Variants in OR5BS1 observed in about 807,000 individuals in gnomAD.
The protein encoded by OR5BS1 is olfactory receptor 5BS1.
chr12:48,561,221 G>A, the OR5BS1 span, among the ~76,000 whole-genome samples: 10 of 152,028 alleles, frequency 6.6e-5, no homozygotes, highest in Admixed American at 6.6e-4. Flanking sequence ...TTGGGAGTTC[G>A]CAAAAAGAAA....
the OR5BS1 span, among the ~76,000 whole-genome samples, chr12:48,562,568 C>A: frequency 6.6e-6 from 1 of 152,214 alleles, no homozygotes; most frequent in Admixed American, 6.5e-5. Flanking sequence ...TTCCTCGGGG[C>A]AGCTCCTATA....
At chr12:48,562,876 C>A in the OR5BS1 span, 1 of 402,096 alleles carries the variant, frequency 2.5e-6, no homozygotes. Flanking sequence ...GCTGAACCCC[C>A]TCATCTACAG....
the OR5BS1 span, chr12:48,560,735 C>G: frequency 7.5e-6 from 3 of 399,222 alleles, no homozygotes; most frequent in Non-Finnish European, 1.3e-5. Context: ...GAGAGCATTA[C>G]AAAATAGCAG....
At chr12:48,561,414 T>C in the OR5BS1 span, among the ~76,000 whole-genome samples, 2 of 152,176 alleles carry the variant, frequency 1.3e-5, no homozygotes, top group African/African-American at 2.4e-5. Context: ...TGAGTATCCA[T>C]CACACTACAA....
At chr12:48,562,886 G>A in the OR5BS1 span, 1 of 401,866 alleles carries the variant, frequency 2.5e-6, no homozygotes, top group South Asian at 1.3e-4. Flanking sequence ...CTCATCTACA[G>A]TCTGAAGAGC....
At chr12:48,562,026 C>A in the OR5BS1 span, among the ~76,000 whole-genome samples, 1 of 152,028 alleles carries the variant, frequency 6.6e-6, no homozygotes, top group Non-Finnish European at 1.5e-5. Context: ...ATGATGGTGC[C>A]ACTGCAAATA....
At chr12:48,560,565 C>A in the OR5BS1 span, 1 of 401,852 alleles carries the variant, frequency 2.5e-6, no homozygotes, top group South Asian at 1.3e-4. Flanking sequence ...CCCTGAGGAT[C>A]AACTCTGCTA....
the OR5BS1 span, among the ~76,000 whole-genome samples, chr12:48,561,947 G>A: frequency 1.7e-4 from 1 of 5,956 alleles, no homozygotes; most frequent in African/African-American, 3.4e-4. Flanking sequence ...ACAGTAAAAT[G>A]ACTATTTTTT....
chr12:48,561,363 C>T, the OR5BS1 span, among the ~76,000 whole-genome samples: 1 of 152,158 alleles, frequency 6.6e-6, no homozygotes, highest in Non-Finnish European at 1.5e-5. Context: ...ATTTACTAGC[C>T]ATTTACTATA....
the OR5BS1 span, chr12:48,560,157 A>G: frequency 2.5e-5 from 10 of 401,392 alleles, no homozygotes; most frequent in Middle Eastern, 2.8e-3. Flanking sequence ...GGGAGACAAT[A>G]TCCTTCCTTG....
At chr12:48,562,805 C>T in the OR5BS1 span, 6 of 401,704 alleles carry the variant, frequency 1.5e-5, no homozygotes, top group Non-Finnish European at 4.4e-6. Context: ...TATATGATTC[C>T]AGCATCTGGC....
the OR5BS1 span, chr12:48,562,828 C>A: frequency 5.0e-6 from 2 of 401,962 alleles, no homozygotes; most frequent in Non-Finnish European, 8.8e-6. Flanking sequence ...AGCCCTAGAA[C>A]AAGTGCTCTC....
chr12:48,560,680 T>C, the OR5BS1 span: 1 of 400,910 alleles, frequency 2.5e-6, no homozygotes, highest in Non-Finnish European at 4.4e-6. Context: ...CCCCTGAATA[T>C]AAATGCGGGA....
the OR5BS1 span, chr12:48,560,036 A>T: frequency 8.2e-4 from 331 of 403,092 alleles, 1 homozygote; most frequent in African/African-American, 6.0e-3. Context: ...ATCAGTACTG[A>T]TTCCCACCTC....
At chr12:48,562,071 C>T in the OR5BS1 span, among the ~76,000 whole-genome samples, 5 of 152,196 alleles carry the variant, frequency 3.3e-5, no homozygotes, top group East Asian at 5.8e-4. Context: ...GAAGATACTC[C>T]GAGTGGTACT....
the OR5BS1 span, among the ~76,000 whole-genome samples, chr12:48,561,313 C>G: frequency 1.3e-5 from 2 of 152,088 alleles, no homozygotes; most frequent in African/African-American, 4.8e-5. Context: ...TCTTTATTTC[C>G]TACTGGGAGA....
the OR5BS1 span, among the ~76,000 whole-genome samples, chr12:48,561,029 G>A: frequency 4.6e-5 from 7 of 151,700 alleles, no homozygotes; most frequent in East Asian, 1.9e-4. Context: ...CTTCAGCCTC[G>A]GAGGCAGAGG....
the OR5BS1 span, among the ~76,000 whole-genome samples, chr12:48,562,016 A>C: frequency 2.6e-5 from 4 of 152,344 alleles, no homozygotes; most frequent in Non-Finnish European, 5.9e-5. Context: ...TATTCCAATA[A>C]TGATGGTGCC....
the OR5BS1 span, chr12:48,560,443 A>C: frequency 2.5e-6 from 1 of 401,200 alleles, no homozygotes; most frequent in Non-Finnish European, 4.4e-6. Flanking sequence ...GCTCTTATTG[A>C]CCTGTTCTGA....
Sources: gnomAD v4.1 joint callset for allele counts (sites outside exome capture counted in the v4.1 genomes callset) on GRCh38, gnomAD v4.1.1 for gene constraint, MANE v1.5 for transcripts, NCBI Gene and HGNC (gene_info 2026-07-23, HGNC 2026-07-21) for gene names.